Variants in PBX1 observed in about 807,000 individuals in gnomAD.
The protein encoded by PBX1 is pre-B-cell leukemia transcription factor 1.
PBX1 carries 6 observed loss-of-function variants against 53.4 expected under a neutral mutation model. The ratio of observed to expected loss-of-function variants is 0.11; its 90% CI spans 0.06 to 0.22. The LOEUF (loss-of-function observed/expected upper bound fraction) is 0.22. Ranked by LOEUF, PBX1 falls within the 10% of genes least tolerant of loss-of-function variation. The pLI, the probability that PBX1 is intolerant of heterozygous loss-of-function variation, is 1.00. For missense variants in PBX1, 251 were observed against 551.4 expected, an observed-to-expected ratio of 0.46 and a Z score of 5.46; for synonymous variants, 204 against 212.3, an observed-to-expected ratio of 0.96 and a Z score of 0.34.
intron 2 of PBX1, among the ~76,000 whole-genome samples, chr1:164,648,095 G>A (rs1032984978): frequency 6.6e-6 from 1 of 152,136 alleles, no homozygotes; most frequent in East Asian, 1.9e-4. Context: ...GATTGCAGGC[G>A]TGAGCCACCG....
intron 2 of PBX1, among the ~76,000 whole-genome samples, chr1:164,876,503 C>T (rs1223317078): frequency 6.6e-6 from 1 of 151,684 alleles, no homozygotes; most frequent in Non-Finnish European, 1.5e-5. Flanking sequence ...GCGCAGGGAT[C>T]CGCGTTTCTG....
At chr1:164,573,562 G>A (rs1276362753) in intron 2 of PBX1, among the ~76,000 whole-genome samples, 3 of 148,248 alleles carry the variant, frequency 2.0e-5, no homozygotes, top group Non-Finnish European at 3.0e-5. Flanking sequence ...CGTGATCTCG[G>A]CTCACTGCAA....
At chr1:164,615,710 G>A (rs910484865) in intron 2 of PBX1, among the ~76,000 whole-genome samples, 4 of 152,132 alleles carry the variant, frequency 2.6e-5, no homozygotes, top group African/African-American at 9.7e-5. Context: ...TTTGTTTTCT[G>A]GACAAGGATT....
At chr1:164,819,832 G>T in intron 6 of PBX1, 1 of 396,036 alleles carries the variant, frequency 2.5e-6, no homozygotes, top group Non-Finnish European at 4.5e-6. Context: ...AGTTGCCAAG[G>T]GGAAGCAGTT....
chr1:164,636,828 A>G (rs1336125180), intron 2 of PBX1, among the ~76,000 whole-genome samples: 1 of 152,066 alleles, frequency 6.6e-6, no homozygotes, highest in Admixed American at 6.5e-5. Flanking sequence ...CATGGCCAGA[A>G]TGGGGAGAAA....
At chr1:164,585,020 A>ATAATAG (rs1454851028) in intron 2 of PBX1, among the ~76,000 whole-genome samples, 1 of 152,224 alleles carries the variant, frequency 6.6e-6, no homozygotes, top group African/African-American at 2.4e-5. Context: ...GCTAGTAATA[A>ATAATAG]TAATAGTAAT....
intron 2 of PBX1, among the ~76,000 whole-genome samples, chr1:164,595,477 C>T (rs1655690003): frequency 6.7e-6 from 1 of 150,144 alleles, no homozygotes; most frequent in South Asian, 2.1e-4. Context: ...AGGTCAGTCA[C>T]CTGGCTAGTT....
At chr1:164,862,597 C>T (rs1036402370) in intron 2 of PBX1, among the ~76,000 whole-genome samples, 2 of 152,134 alleles carry the variant, frequency 1.3e-5, no homozygotes, top group Admixed American at 6.5e-5. Flanking sequence ...CAGATTAATA[C>T]GTGAACAGAG....
intron 2 of PBX1, among the ~76,000 whole-genome samples, chr1:164,746,144 A>G (rs1665877598): frequency 6.6e-6 from 1 of 152,246 alleles, no homozygotes; most frequent in South Asian, 2.1e-4. Context: ...TAGAAAAGTC[A>G]GCTTTTAAGT....
chr1:164,676,813 G>A (rs984739818), intron 2 of PBX1, among the ~76,000 whole-genome samples: 2 of 152,154 alleles, frequency 1.3e-5, no homozygotes, highest in African/African-American at 2.4e-5. Context: ...TGAGCCCTGA[G>A]GGGGCTCAGG....
At chr1:164,569,989 T>C (rs1216543156) in intron 2 of PBX1, among the ~76,000 whole-genome samples, 1 of 152,206 alleles carries the variant, frequency 6.6e-6, no homozygotes, top group African/African-American at 2.4e-5. Flanking sequence ...CTTTAAAAAC[T>C]TTTAAACTAC....
chr1:164,570,987 G>A (rs1383798443), intron 2 of PBX1, among the ~76,000 whole-genome samples: 2 of 151,996 alleles, frequency 1.3e-5, no homozygotes, highest in Admixed American at 6.6e-5. Context: ...ATATATGTTT[G>A]TTGGCCACAT....
At chr1:164,693,960 C>T (rs1662650874) in intron 2 of PBX1, among the ~76,000 whole-genome samples, 1 of 152,206 alleles carries the variant, frequency 6.6e-6, no homozygotes, top group South Asian at 2.1e-4. Flanking sequence ...AAAGTGTCCT[C>T]TGTATCTTCT....
chr1:164,788,353 A>G (rs892939071), intron 2 of PBX1, among the ~76,000 whole-genome samples: 3 of 151,458 alleles, frequency 2.0e-5, no homozygotes, highest in Non-Finnish European at 2.9e-5. Flanking sequence ...GCTTAGACAT[A>G]TCACCCTTTT....
intron 2 of PBX1, among the ~76,000 whole-genome samples, chr1:164,625,439 C>T (rs2101864822): frequency 6.6e-6 from 1 of 152,194 alleles, no homozygotes; most frequent in Non-Finnish European, 1.5e-5. Context: ...CTCTCTTTCC[C>T]CGTACATTTT....
rs1671769459 is a variant in PBX1, at chr1:164,850,322, G to A, written c.*3646G>A. The A allele has an allele frequency of 5.4e-6, 1 of 185,486 alleles. No individual in the cohort carries two copies. Among genetic ancestry groups the A allele is most frequent in the African/African-American group, 2.5e-5 (1 of 40,192 alleles). 11.5% of individuals were successfully genotyped at this position (185,486 alleles called of 1,614,324 possible). ...TGTTTCACAATGTTTAAAAGTGACA[G>A]TAATTCATTTTGTAAACTAAAAAAA... On this transcript the variant is annotated 3_prime_UTR_variant, in exon 9 of 9. Coordinates refer to ENST00000420696, the MANE Select transcript of PBX1 (RefSeq NM_002585.4).
chr1:164,641,360 G>T (rs1390190452), intron 2 of PBX1: 1 of 152,842 alleles, frequency 6.5e-6, no homozygotes, highest in African/African-American at 2.4e-5. Flanking sequence ...AACTAGCTTG[G>T]ACCTGGAGGC....
chr1:164,733,437 T>TG (rs1213992629), intron 2 of PBX1, among the ~76,000 whole-genome samples: 1 of 152,168 alleles, frequency 6.6e-6, no homozygotes, highest in Non-Finnish European at 1.5e-5. Context: ...CTTTCACCCT[T>TG]GCACAGGAGG....
intron 2 of PBX1, among the ~76,000 whole-genome samples, chr1:164,701,622 A>G (rs1663127166): frequency 6.6e-6 from 1 of 152,048 alleles, no homozygotes; most frequent in Non-Finnish European, 1.5e-5. Context: ...ACTCTCTCCC[A>G]CTCCCCTGTG....
Sources: gnomAD v4.1 joint callset for allele counts (sites outside exome capture counted in the v4.1 genomes callset) on GRCh38, gnomAD v4.1.1 for gene constraint, MANE v1.5 for transcripts, NCBI Gene and HGNC (gene_info 2026-07-23, HGNC 2026-07-21) for gene names.